AHCTF1: variants seen among roughly 807,000 people sequenced by gnomAD.
The protein encoded by AHCTF1 is AT-hook containing transcription factor 1, also known as protein ELYS.
AHCTF1 carries 24 observed loss-of-function variants against 248.4 expected under a neutral mutation model. That is an observed-to-expected ratio of 0.10 (90% CI 0.07 to 0.14). AHCTF1 has a LOEUF of 0.14. Among genes scored for constraint, AHCTF1 ranks in the 10% least tolerant of loss-of-function variants. The pLI is 1.00. For missense variants in AHCTF1, 2,206 were observed against 2,636.2 expected (o/e 0.84, Z 3.57); for synonymous variants, 786 against 929.8 (o/e 0.85, Z 2.81).
chr1:246,916,398 A>G lies in AHCTF1; in HGVS notation c.122-3T>C. On this transcript the variant is annotated splice_polypyrimidine_tract_variant and splice_region_variant and intron_variant, in intron 2 of 35. Transcript: ENST00000648844. ...CAAGCAAGCAAGTCCATTTTTCCCTAGAAGAAAAAAAAATTGCCTATTTTA... is the reference window on the plus strand; with the variant it reads ...CAAGCAAGCAAGTCCATTTTTCCCTGGAAGAAAAAAAAATTGCCTATTTTA... 1 of 1,601,350 alleles carries G rather than the reference A, an allele frequency of 6.2e-7. No individual in the cohort carries two copies. Among genetic ancestry groups the G allele is most frequent in the Non-Finnish European group, 8.5e-7 (1 of 1,175,754 alleles).
In AHCTF1 at chr1:246,870,864, T is replaced by A. The variant is rs914943152; in HGVS notation, c.3089-3053A>T. Among the ~76,000 whole-genome samples, 5 of 152,236 alleles carry A rather than the reference T, an allele frequency of 3.3e-5. No individual in the cohort carries two copies. In the East Asian group the frequency reaches 9.7e-4, roughly 29 times the overall value. On this transcript the variant is annotated intron_variant, in intron 24 of 35. Transcript: ENST00000648844. ...GAAAATGGCCGGATTCTGTCACATATAAATTCCCAATTCGGGTATTTTAAC... is the reference window on the plus strand; with the variant it reads ...GAAAATGGCCGGATTCTGTCACATAAAAATTCCCAATTCGGGTATTTTAAC...
chr1:246,926,900 C>T (rs1194951543), intron 1 of AHCTF1, among the ~76,000 whole-genome samples: 9 of 151,914 alleles, frequency 5.9e-5, no homozygotes, highest in East Asian at 1.9e-4. Flanking sequence ...ATGGCCGGGC[C>T]GCGGTGGCAC....
Position 246,894,643 on chromosome 1 carries a change from G to A in AHCTF1, c.1804+16C>T, listed in dbSNP as rs755619681. The A allele has an allele frequency of 6.3e-7, 1 of 1,586,732 alleles. No homozygotes were observed. Among genetic ancestry groups the A allele is most frequent in the South Asian group, 1.1e-5 (1 of 90,168 alleles). On this transcript the variant is annotated intron_variant, in intron 14 of 35. Transcript: ENST00000648844. ...AATATTAAATTCTGTCCTACATCTAGACCTCTAATACTTACATAGTCTGTC... is the reference window on the plus strand; with the variant it reads ...AATATTAAATTCTGTCCTACATCTAAACCTCTAATACTTACATAGTCTGTC...
chr1:246,849,531 A>G, intron 33 of AHCTF1, 84 bp downstream of exon 33: 1 of 1,504,720 alleles, frequency 6.6e-7, no homozygotes, highest in South Asian at 1.4e-5. Context: ...AATTCCCTAT[A>G]AAACCATTTT....
intron 21 of AHCTF1, among the ~76,000 whole-genome samples, chr1:246,883,169 T>C (rs1663576320): frequency 6.6e-6 from 1 of 152,206 alleles, no homozygotes; most frequent in African/African-American, 2.4e-5. Context: ...AGAGTGTTAG[T>C]GTTTGATGGT....
chr1:246,876,616 A>C (rs1662984964), intron 23 of AHCTF1, among the ~76,000 whole-genome samples: 1 of 152,172 alleles, frequency 6.6e-6, no homozygotes, highest in Non-Finnish European at 1.5e-5. Flanking sequence ...TGTACTATAT[A>C]ACCCTTACTG....
chr1:246,883,313 C>T (rs1012864158), intron 21 of AHCTF1, among the ~76,000 whole-genome samples: 3 of 152,174 alleles, frequency 2.0e-5, no homozygotes, highest in African/African-American at 7.2e-5. Context: ...ATCCATGGTT[C>T]AAGGATATAC....
At chr1:246,878,107 T>C (rs1663109406) in intron 21 of AHCTF1, among the ~76,000 whole-genome samples, 1 of 151,776 alleles carries the variant, frequency 6.6e-6, no homozygotes. Flanking sequence ...TATAAGAATA[T>C]ACAGTAAGAG....
intron 32 of AHCTF1, chr1:246,851,795 A>G (rs999591131): frequency 5.3e-6 from 1 of 187,598 alleles, no homozygotes; most frequent in Non-Finnish European, 1.1e-5. Flanking sequence ...AACCGGAAAA[A>G]ACAGAAACAA....
intron 33 of AHCTF1, among the ~76,000 whole-genome samples, chr1:246,849,065 T>G (rs1660501063): frequency 6.6e-6 from 1 of 152,188 alleles, no homozygotes; most frequent in East Asian, 1.9e-4. Flanking sequence ...AGATCACCCC[T>G]GTTGAGAAGC....
chr1:246,877,310 C>G lies in AHCTF1; in HGVS notation c.2661-8G>C, dbSNP rs372748732. The G allele has an allele frequency of 1.8e-4, 281 of 1,552,284 alleles. No homozygotes were observed. Among genetic ancestry groups the G allele is most frequent in the Non-Finnish European group, 2.4e-4 (277 of 1,153,724 alleles). On this transcript the variant is annotated splice_region_variant and splice_polypyrimidine_tract_variant and intron_variant, in intron 21 of 35. Transcript: ENST00000648844. ...CAGGCTTCAACCATACACCTGAAAG[C>G]AGTATTTATCAAAGTTTAGTTTTAG...
At chr1:246,925,274 T>C (rs1286405548) in intron 1 of AHCTF1, among the ~76,000 whole-genome samples, 1 of 152,138 alleles carries the variant, frequency 6.6e-6, no homozygotes, top group African/African-American at 2.4e-5. Flanking sequence ...ATCAAAATCA[T>C]CTCAATACAA....
chr1:246,909,875 C>T (rs1334003132), intron 4 of AHCTF1, among the ~76,000 whole-genome samples: 1 of 152,190 alleles, frequency 6.6e-6, no homozygotes, highest in Non-Finnish European at 1.5e-5. Context: ...TAGCAAGTAG[C>T]ACCAGCAGTA....
chr1:246,876,227 A>C, intron 23 of AHCTF1, 40 bp from the exon 24 acceptor site: 1 of 1,497,204 alleles, frequency 6.7e-7, no homozygotes, highest in Non-Finnish European at 9.0e-7. Flanking sequence ...TAACCTTCAA[A>C]ATGTTAGGTG....
At chr1:246,841,955 A>C (rs915471498) in intron 35 of AHCTF1, among the ~76,000 whole-genome samples, 1 of 124,294 alleles carries the variant, frequency 8.0e-6, no homozygotes. Flanking sequence ...CGCCCAGCTA[A>C]TTTTTTTTTT....
At chr1:246,914,845 T>C (rs571390907) in intron 3 of AHCTF1, among the ~76,000 whole-genome samples, 9 of 152,318 alleles carry the variant, frequency 5.9e-5, no homozygotes, top group African/African-American at 2.2e-4. Flanking sequence ...ATCCAAATGA[T>C]CAATGAGTGT....
At chr1:246,900,503 A>G in intron 8 of AHCTF1, 34 bp from the exon 9 acceptor site, 1 of 1,565,376 alleles carries the variant, frequency 6.4e-7, no homozygotes, top group Non-Finnish European at 8.6e-7. Context: ...AAAACAGAAT[A>G]AAGAATCTCA....
At chr1:246,906,174 A>C (rs568262591) in intron 5 of AHCTF1, among the ~76,000 whole-genome samples, 2 of 152,204 alleles carry the variant, frequency 1.3e-5, no homozygotes, top group Non-Finnish European at 2.9e-5. Flanking sequence ...AAGAGTTCCC[A>C]TAAACTGCTA....
chr1:246,896,760 T>C (rs1334489958), intron 12 of AHCTF1, among the ~76,000 whole-genome samples: 1 of 152,148 alleles, frequency 6.6e-6, no homozygotes, highest in East Asian at 1.9e-4. Context: ...AATCACTGAG[T>C]CTGGTTTAAT....
Sources: allele counts gnomAD v4.1 joint callset (sites outside exome capture counted in the v4.1 genomes callset), GRCh38; gene constraint gnomAD v4.1.1; transcripts MANE v1.5; gene names NCBI Gene and HGNC (gene_info 2026-07-23, HGNC 2026-07-21).